Variants in DAB1 observed in about 807,000 individuals in gnomAD.
DAB1 encodes the protein DAB adaptor protein 1, also known as disabled homolog 1.
A neutral mutation model predicts 64.6 loss-of-function variants in DAB1; 15 were observed. The ratio of observed to expected loss-of-function variants is 0.23; its 90% CI spans 0.16 to 0.36. The LOEUF (loss-of-function observed/expected upper bound fraction) is 0.36, where lower values mean the gene tolerates loss of function less well. DAB1 is among the 10% of genes least tolerant of loss of function. The pLI is 1.00. For synonymous variants in DAB1, 235 were observed against 251.9 expected (o/e 0.93, Z 0.64); for missense variants, 596 against 706.7 (o/e 0.84, Z 1.78).
intron 7 of DAB1, among the ~76,000 whole-genome samples, chr1:57,572,773 T>G (rs1187994362): frequency 1.3e-5 from 2 of 152,138 alleles, no homozygotes; most frequent in African/African-American, 4.8e-5. Flanking sequence ...AGTTTTGGCA[T>G]TTGCTCAGCT....
chr1:57,434,173 C>G (rs986481049), intron 7 of DAB1, among the ~76,000 whole-genome samples: 4 of 152,198 alleles, frequency 2.6e-5, no homozygotes, highest in African/African-American at 9.6e-5. Flanking sequence ...CATATATACA[C>G]ACATATACTT....
At chr1:57,505,387 G>A (rs1332617297) in intron 7 of DAB1, among the ~76,000 whole-genome samples, 1 of 152,126 alleles carries the variant, frequency 6.6e-6, no homozygotes, top group Non-Finnish European at 1.5e-5. Context: ...AGTTAATAAA[G>A]CTCAGAACCA....
intron 5 of DAB1, among the ~76,000 whole-genome samples, chr1:57,967,110 C>A (rs181810008): frequency 7.9e-5 from 12 of 152,294 alleles, no homozygotes; most frequent in Admixed American, 7.2e-4. Context: ...AGCTTCAGGG[C>A]AAGGCCTGTT....
At chr1:57,960,493 TAA>T (rs34447871) in intron 5 of DAB1, among the ~76,000 whole-genome samples, 3 of 139,514 alleles carry the variant, frequency 2.2e-5, no homozygotes, top group Non-Finnish European at 1.5e-5. Flanking sequence ...GGAACCAAAT[TAA>T]AAAAAAAAAA....
At chr1:58,373,860 T>C (rs935863938) in intron 3 of DAB1, among the ~76,000 whole-genome samples, 6 of 150,596 alleles carry the variant, frequency 4.0e-5, no homozygotes, top group African/African-American at 9.8e-5. Context: ...GACTTTTTAA[T>C]GATTGCCATT....
At position 57,604,494 on chromosome 1, in the gene DAB1, G is replaced by A. The variant is rs141282343; in HGVS notation, n.625+45098C>T. On this transcript the variant is annotated intron_variant and non_coding_transcript_variant, in intron 7 of 20. Transcript: ENST00000485760. Reference sequence around the variant, plus strand: ...GTCACAGTTTCCTGGTTAGTTCCCAGCTGTTTAAGTTATTCCAGCGGAGAT... The same window carrying A: ...GTCACAGTTTCCTGGTTAGTTCCCAACTGTTTAAGTTATTCCAGCGGAGAT... Among the ~76,000 whole-genome samples the A allele has an allele frequency of 1.4e-3, 219 of 152,158 alleles. 2 individuals are homozygous for A. Among genetic ancestry groups the A allele is most frequent in the African/African-American group, 5.0e-3 (208 of 41,510 alleles).
chr1:57,569,039 A>G (rs1302434527), intron 7 of DAB1, among the ~76,000 whole-genome samples: 1 of 151,572 alleles, frequency 6.6e-6, no homozygotes, highest in African/African-American at 2.4e-5. Context: ...CGGGCGGATC[A>G]CGAGGTCAGG....
chr1:58,510,826 A>G (rs1427752871), intron 2 of DAB1, among the ~76,000 whole-genome samples: 1 of 151,954 alleles, frequency 6.6e-6, no homozygotes, highest in Non-Finnish European at 1.5e-5. Context: ...TCTACACACT[A>G]ACAACAAACT....
chr1:58,224,970 T>C (rs1371989496), intron 4 of DAB1, among the ~76,000 whole-genome samples: 6 of 152,104 alleles, frequency 3.9e-5, no homozygotes, highest in Non-Finnish European at 8.8e-5. Flanking sequence ...TCGGATCTAA[T>C]TAAACTAAAG....
chr1:58,527,545 T>C (rs1646371940), intron 1 of DAB1, among the ~76,000 whole-genome samples: 1 of 152,204 alleles, frequency 6.6e-6, no homozygotes, highest in Non-Finnish European at 1.5e-5. Flanking sequence ...GATAAGGATA[T>C]AAGTCATGCC....
chr1:58,027,563 C>T (rs1646912318), intron 5 of DAB1, among the ~76,000 whole-genome samples: 1 of 152,046 alleles, frequency 6.6e-6, no homozygotes, highest in African/African-American at 2.4e-5. Context: ...CTATGAAATT[C>T]TCAAAAGTTT....
At chr1:57,386,771 C>G (rs1467913717) in intron 1 of DAB1, 2 of 150,180 alleles carry the variant, frequency 1.3e-5, no homozygotes, top group Non-Finnish European at 2.9e-5. Flanking sequence ...TGTGTAATGG[C>G]AGAACATGCT....
At chr1:57,214,589 A>G (rs1232343897) in intron 2 of DAB1, among the ~76,000 whole-genome samples, 1 of 152,148 alleles carries the variant, frequency 6.6e-6, no homozygotes, top group Non-Finnish European at 1.5e-5. Context: ...CCTAAGAGGA[A>G]GGGAGCACAC....
chr1:58,063,938 A>G (rs1648672808), intron 5 of DAB1, among the ~76,000 whole-genome samples: 1 of 152,256 alleles, frequency 6.6e-6, no homozygotes, highest in African/African-American at 2.4e-5. Context: ...TTGCATGTGT[A>G]AAAGCATTTG....
intron 6 of DAB1, among the ~76,000 whole-genome samples, chr1:57,804,878 A>G (rs890199579): frequency 5.9e-5 from 9 of 152,228 alleles, no homozygotes; most frequent in African/African-American, 2.2e-4. Context: ...TATTTGCTAG[A>G]AAGCAGATCC....
intron 2 of DAB1, among the ~76,000 whole-genome samples, chr1:57,194,440 C>T (rs1664448468): frequency 6.6e-6 from 1 of 152,098 alleles, no homozygotes; most frequent in South Asian, 2.1e-4. Context: ...GATGCTTTTC[C>T]TGATGCTTCA....
chr1:58,136,841 C>A (rs938318960), intron 5 of DAB1, among the ~76,000 whole-genome samples: 1 of 152,202 alleles, frequency 6.6e-6, no homozygotes, highest in Non-Finnish European at 1.5e-5. Flanking sequence ...TGAAAAGTAA[C>A]TTGCTGAATA....
At chr1:57,102,168 C>T (rs1247213711) in intron 4 of DAB1, among the ~76,000 whole-genome samples, 1 of 152,206 alleles carries the variant, frequency 6.6e-6, no homozygotes, top group Admixed American at 6.5e-5. Flanking sequence ...GGAGGGTCTT[C>T]CCTTCAGTGA....
chr1:57,529,868 A>G (rs1465857450), intron 7 of DAB1, among the ~76,000 whole-genome samples: 24 of 152,116 alleles, frequency 1.6e-4, no homozygotes, highest in Non-Finnish European at 1.5e-5. Flanking sequence ...ATGTTTGTGT[A>G]CCTCTAGCTT....
Sources: gnomAD v4.1 joint callset for allele counts (sites outside exome capture counted in the v4.1 genomes callset) on GRCh38, gnomAD v4.1.1 for gene constraint, MANE v1.5 for transcripts, NCBI Gene and HGNC (gene_info 2026-07-23, HGNC 2026-07-21) for gene names.